Variants in ABCA7 observed in about 807,000 individuals in gnomAD.
ABCA7 encodes the protein phospholipid-transporting ATPase ABCA7.
A neutral mutation model predicts 227.6 loss-of-function variants in ABCA7; 261 were observed. That is an observed-to-expected ratio of 1.15 (90% CI 1.04 to 1.27). ABCA7 has a LOEUF of 1.27. Ranked by LOEUF, ABCA7 falls within the 50% of genes most tolerant of loss-of-function variation. The pLI is 0.00. For synonymous variants in ABCA7, 1,488 were observed against 1,279.7 expected (o/e 1.16, Z -3.47); for missense variants, 3,331 against 2,924.5 (o/e 1.14, Z -3.21).
rs760499664 is a variant in ABCA7, at chr19:1,043,192, G to A, written c.731G>A (p.Ser244Asn). ...VGPSLNWYEA[S>N]DLMELVGQEP... ...CCCTCCCTCAACTGGTACGAGGCTA[G>A]TGACCTGATGGAGCTGGTGGGGCAG... is the stretch of plus-strand genomic sequence containing the variant. Residue 244 changes from serine to asparagine, a missense_variant, in exon 8 of 47, where the codon AGT (serine) becomes AAT (asparagine). Physicochemically the swap from Ser to Asn is conservative, Grantham distance 46 (BLOSUM62 1). Transcript: ENST00000263094. 27 of 1,609,818 alleles carry A rather than the reference G, an allele frequency of 1.7e-5. No individual in the cohort carries two copies. Among genetic ancestry groups the A allele is most frequent in the Non-Finnish European group, 2.3e-5 (27 of 1,177,440 alleles).
At chr19:1,063,441 A>G (rs186096411) in intron 42 of ABCA7, 103 bp from the exon 43 acceptor site, 2 of 1,480,770 alleles carry the variant, frequency 1.4e-6, no homozygotes, top group African/African-American at 1.4e-5. Flanking sequence ...CCCCATGCCC[A>G]TTATGCCCCT....
chr19:1,046,256 A>AC lies in ABCA7; in HGVS notation c.1477dup (p.Leu493ProfsTer271). The AC allele has an allele frequency of 3.1e-6, 5 of 1,606,782 alleles. No individual in the cohort carries two copies. The highest frequency in any genetic ancestry group is 4.2e-6 in the Non-Finnish European group (5 of 1,179,668). Reference sequence around the variant, plus strand: ...TTTTGGGACCCTGGCCCAGCCGCGGACCCCCTGACCGACCTGCGCTACGTG... The same window carrying AC: ...TTTTGGGACCCTGGCCCAGCCGCGGACCCCCCTGACCGACCTGCGCTACGTG... On this transcript the variant is annotated frameshift_variant, in exon 13 of 47. Transcript: ENST00000263094. LOFTEE classifies it high-confidence loss of function.
chr19:1,048,987 AC>A lies in ABCA7; in HGVS notation c.2366del (p.Pro789ArgfsTer8). On this transcript the variant is annotated frameshift_variant, in exon 17 of 47. Coordinates refer to ENST00000263094, the MANE Select transcript of ABCA7 (RefSeq NM_019112.4). LOFTEE classifies it high-confidence loss of function. ...CCCCAAGAGTCCAGCCCCTTGCCCC[AC>A]CCCGCTGGACCCAAAGGGTGAGGCA... is the stretch of plus-strand genomic sequence containing the variant. ...RPPKSPAPCP[T>X]PLDPKVLVEE... 2 of 1,591,478 alleles carry A rather than the reference AC, an allele frequency of 1.3e-6. No individual in the cohort carries two copies. The highest frequency in any genetic ancestry group is 1.8e-5 in the Admixed American group (1 of 56,972).
chr19:1,055,386 A>G (rs1219717119), intron 30 of ABCA7, 35 bp downstream of exon 30: 1 of 1,529,422 alleles, frequency 6.5e-7, no homozygotes, highest in African/African-American at 1.4e-5. Flanking sequence ...TTCCCTGGCT[A>G]TAGCATGGGT....
At chr19:1,048,057 G>T (rs1186860488) in intron 16 of ABCA7, among the ~76,000 whole-genome samples, 1 of 151,994 alleles carries the variant, frequency 6.6e-6, no homozygotes, top group African/African-American at 2.4e-5. Flanking sequence ...GGCACGCTGG[G>T]CGTGGTGGCA....
At chr19:1,059,425 C>T (rs186543342) in intron 40 of ABCA7, among the ~76,000 whole-genome samples, 5,085 of 142,956 alleles carry the variant, frequency 0.036, 147 homozygotes, top group Non-Finnish European at 0.051. Flanking sequence ...CCACCACGCC[C>T]GGCTAATTTT....
rs2042350915 is a variant in ABCA7 at position 1,057,434 on chromosome 19, G to A, written c.4880+5G>A. On this transcript the variant is annotated splice_donor_5th_base_variant and intron_variant, in intron 35 of 46. Coordinates refer to ENST00000263094, the MANE Select transcript of ABCA7 (RefSeq NM_019112.4). ...GCTGTTGCTACTACTGTATGGGTGA[G>A]GCCCCCAGTCCCTCAGGGCCTATTC... is the stretch of plus-strand genomic sequence containing the variant. 1 of 1,611,612 alleles carries A rather than the reference G, an allele frequency of 6.2e-7. No individual in the cohort carries two copies. Among genetic ancestry groups the A allele is most frequent in the Non-Finnish European group, 8.5e-7 (1 of 1,178,158 alleles).
chr19:1,064,247 A>C lies in ABCA7; in HGVS notation c.6038A>C (p.Lys2013Thr). Residue 2013 changes from lysine (K) to threonine (T), a missense_variant, in exon 45 of 47, where the codon AAG becomes ACG. Lys to Thr is a moderately conservative substitution (Grantham distance 78, BLOSUM62 -1). Coordinates refer to ENST00000263094, the MANE Select transcript of ABCA7 (RefSeq NM_019112.4). ...FRCLGSPQHL[K>T]GRFAAGHTLT... ...TGCCTGGGCAGCCCGCAACATCTCA[A>C]GGGCAGGTGAGCCGGCGCGGCCTCC... 1 of 1,561,338 alleles carries C rather than the reference A, an allele frequency of 6.4e-7. No individual in the cohort carries two copies. Among genetic ancestry groups the C allele is most frequent in the Non-Finnish European group, 8.7e-7 (1 of 1,154,442 alleles).
In ABCA7 at chr19:1,065,009, G is replaced by A. The variant is rs766147742; in HGVS notation, c.6123G>A (p.Glu2041=). Residue 2041 remains glutamate, a synonymous_variant, in exon 46 of 47, where the codon GAG becomes GAA. Transcript: ENST00000263094. ...SQPAAAFVAA[E]FPGAELREAH... ...CGGCAGCGGCCTTCGTGGCGGCCGA[G>A]TTCCCTGGGGCGGAGCTGCGCGAGG... The A allele has an allele frequency of 6.4e-7, 1 of 1,556,732 alleles. No homozygotes were observed. Among genetic ancestry groups the A allele is most frequent in the Non-Finnish European group, 8.7e-7 (1 of 1,152,084 alleles).
At chr19:1,060,581 A>G (rs1224147875) in intron 40 of ABCA7, among the ~76,000 whole-genome samples, 1 of 137,448 alleles carries the variant, frequency 7.3e-6, no homozygotes, top group African/African-American at 2.8e-5. Context: ...GTGCAGTGTC[A>G]CGATCTCGGC....
chr19:1,051,331 G>A (rs2041610373), intron 20 of ABCA7, 37 bp downstream of exon 20: 1 of 1,488,462 alleles, frequency 6.7e-7, no homozygotes, highest in Non-Finnish European at 9.0e-7. Flanking sequence ...CTCACAGGGA[G>A]GGGCCTGGGG....
Position 1,058,713 on chromosome 19 carries a change from C to A in ABCA7, c.5245C>A (p.Leu1749Ile). 1.2e-6 allele frequency: 2 copies of A among 1,614,054 alleles called. No individual in the cohort carries two copies. The highest frequency in any genetic ancestry group is 2.2e-5 in the South Asian group (2 of 91,088). ...GGGGCCCCTCTTCCTTCTCTTCACA[C>A]TACTGCTGCAGCACCGAAGCCAACT... ...IQGPLFLLFT[L>I]LLQHRSQLLP... Residue 1749 changes from leucine (L) to isoleucine (I), a missense_variant, in exon 38 of 47, where the codon CTA becomes ATA. Coordinates refer to ENST00000263094, the MANE Select transcript of ABCA7 (RefSeq NM_019112.4).
chr19:1,047,416 C>A, intron 15 of ABCA7, 37 bp from the exon 16 acceptor site: 1 of 1,537,676 alleles, frequency 6.5e-7, no homozygotes, highest in South Asian at 1.2e-5. Flanking sequence ...GGACGCCCCC[C>A]GCTTCGGCCG....
At chr19:1,058,771 T>A in intron 38 of ABCA7, 24 bp downstream of exon 38, 2 of 1,607,410 alleles carry the variant, frequency 1.2e-6, no homozygotes, top group Non-Finnish European at 1.7e-6. Context: ...ATGGAGAGGG[T>A]GGCAGGGGCC....
Position 1,045,035 on chromosome 19 carries a change from T to TC in ABCA7, c.1250dup (p.Glu418ArgfsTer27). The TC allele has an allele frequency of 6.2e-7, 1 of 1,612,740 alleles. No homozygotes were observed. The highest frequency in any genetic ancestry group is 1.1e-5 in the South Asian group (1 of 91,072). On this transcript the variant is annotated frameshift_variant, in exon 12 of 47. Coordinates refer to ENST00000263094, the MANE Select transcript of ABCA7 (RefSeq NM_019112.4). LOFTEE classifies it high-confidence loss of function. ...CTTGGACAAGCTGGAGGCGGCACCC[T>TC]CAGAGGCAGCCCTGGTGTCGCGGGC...
chr19:1,044,570 C>T lies in ABCA7; in HGVS notation c.1048-7C>T. 2 of 1,609,316 alleles carry T rather than the reference C, an allele frequency of 1.2e-6. No individual in the cohort carries two copies. Among genetic ancestry groups the T allele is most frequent in the Non-Finnish European group, 1.7e-6 (2 of 1,177,792 alleles). ...CCCAGACTCTCACTTTCACCTGCGC[C>T]CCCCAGCGGCTCCTGCAGATGCAGG... is the stretch of plus-strand genomic sequence containing the variant. On this transcript the variant is annotated splice_region_variant and splice_polypyrimidine_tract_variant and intron_variant, in intron 10 of 46. Coordinates refer to ENST00000263094, the MANE Select transcript of ABCA7 (RefSeq NM_019112.4).
In ABCA7 at chr19:1,056,260, C is replaced by A. The variant is rs372838485; in HGVS notation, c.4416+17C>A. Reference sequence around the variant, plus strand: ...AGTCTCAAGGTGGGAACTGGGGGGGCAGGTGGGCGTCCTGTCACAGCAAGG... The same window carrying A: ...AGTCTCAAGGTGGGAACTGGGGGGGAAGGTGGGCGTCCTGTCACAGCAAGG... On this transcript the variant is annotated intron_variant, in intron 32 of 46. Transcript: ENST00000263094. This position sits in a 1 kb window ranked among gnomAD's most constrained non-coding sequence, Gnocchi z 4.3. The A allele has an allele frequency of 1.3e-6, 2 of 1,589,004 alleles. No homozygotes were observed. Among genetic ancestry groups the A allele is most frequent in the East Asian group, 2.2e-5 (1 of 44,534 alleles).
At chr19:1,064,435 G>C (rs919210652) in intron 45 of ABCA7, among the ~76,000 whole-genome samples, 182 bp downstream of exon 45, 11 of 152,222 alleles carry the variant, frequency 7.2e-5, no homozygotes, top group African/African-American at 2.6e-4. Context: ...TGTGCTGGGG[G>C]CGCAGGACCA....
Position 1,044,693 on chromosome 19 carries a change from C to CT in ABCA7, c.1164_1165insT (p.Ala389CysfsTer4), listed in dbSNP as rs1434602208. 2 of 1,612,492 alleles carry CT rather than the reference C, an allele frequency of 1.2e-6. No homozygotes were observed. The highest frequency in any genetic ancestry group is 2.7e-5 in the African/African-American group (2 of 74,916). On this transcript the variant is annotated frameshift_variant, in exon 11 of 47. Transcript: ENST00000263094. LOFTEE classifies it high-confidence loss of function. ...GGAGCGGTGGCTACAGCTGGCAGGA[C>CT]GCACACGCTGATGTGGGGCACCTGG... is the stretch of plus-strand genomic sequence containing the variant.
Sources: gnomAD v4.1 joint callset for allele counts (sites outside exome capture counted in the v4.1 genomes callset) on GRCh38, gnomAD v4.1.1 for gene constraint, Gnocchi (gnomAD v3.1) non-coding constraint, MANE v1.5 for transcripts, NCBI Gene and HGNC (gene_info 2026-07-23, HGNC 2026-07-21) for gene names.